SP3: variants seen among roughly 807,000 people sequenced by gnomAD.
The protein encoded by SP3 is Sp3 transcription factor.
A neutral mutation model predicts 70.3 loss-of-function variants in SP3; 10 were observed. That is an observed-to-expected ratio of 0.14 (90% CI 0.09 to 0.24). SP3 has a LOEUF of 0.24. Ranked by LOEUF, SP3 falls within the 10% of genes least tolerant of loss-of-function variation. SP3 has a pLI of 1.00. For synonymous variants in SP3, 402 were observed against 333.5 expected (o/e 1.21, Z -2.24); for missense variants, 825 against 914.6 (o/e 0.90, Z 1.26).
chr2:173,933,582 TGAAGAGAACCA>T (rs2105474784), intron 4 of SP3, among the ~76,000 whole-genome samples: 1 of 143,770 alleles, frequency 7.0e-6, no homozygotes, highest in East Asian at 2.1e-4. Context: ...GGTGTGCCCA[TGAAGAGAACCA>T]GAAATATTAG....
chr2:173,939,739 T>A (rs1187951467), intron 4 of SP3, among the ~76,000 whole-genome samples: 2 of 86,832 alleles, frequency 2.3e-5, no homozygotes, highest in African/African-American at 9.8e-5. Context: ...CACTCCAGCC[T>A]GAGCAACAGA....
chr2:173,903,503 CTAGGAG>C lies in SP3; in HGVS notation c.*6432_*6437del, dbSNP rs1689229624. ...AGATGGAAAAAAACACACAGAGTTA[CTAGGAG>C]TAGAATTGAGAAAAATGCAATTAAC... is the stretch of plus-strand genomic sequence containing the variant. On this transcript the variant is annotated 3_prime_UTR_variant, in exon 7 of 7. Coordinates refer to ENST00000310015, the MANE Select transcript of SP3 (RefSeq NM_003111.5). Among the ~76,000 whole-genome samples the C allele has an allele frequency of 1.3e-5, 2 of 152,236 alleles. No individual in the cohort carries two copies. Among genetic ancestry groups the C allele is most frequent in the Non-Finnish European group, 2.9e-5 (2 of 68,026 alleles).
chr2:173,919,388 C>T (rs1689688647), intron 4 of SP3, among the ~76,000 whole-genome samples: 3 of 152,218 alleles, frequency 2.0e-5, no homozygotes, highest in Non-Finnish European at 4.4e-5. Context: ...TGCATACCAA[C>T]TTAATACAGA....
intron 4 of SP3, among the ~76,000 whole-genome samples, chr2:173,919,056 T>G (rs1036969071): frequency 6.6e-6 from 1 of 152,198 alleles, no homozygotes; most frequent in African/African-American, 2.4e-5. Context: ...TCACTCAAAG[T>G]TCTCGGAAAA....
chr2:173,920,515 T>A (rs1689722629), intron 4 of SP3, among the ~76,000 whole-genome samples: 1 of 152,100 alleles, frequency 6.6e-6, no homozygotes, highest in Admixed American at 6.6e-5. Context: ...TAGGGAAGGG[T>A]ATGCATGTGC....
chr2:173,954,987 T>G lies in SP3; in HGVS notation c.1525A>C (p.Thr509Pro), dbSNP rs555091832. ...TGACCAGTGCTTAGACTAACTGGAGTTGAAGTGAAGGCTCCACCTGCCGCA... is the reference window on the plus strand; with the variant it reads ...TGACCAGTGCTTAGACTAACTGGAGGTGAAGTGAAGGCTCCACCTGCCGCA... ...QVAAGGAFTSTPVSLSTGQLP... is the reference protein window; with the variant it reads ...QVAAGGAFTSPPVSLSTGQLP... Residue 509 changes from threonine (T) to proline (P), a missense_variant, in exon 4 of 7, where the codon ACT becomes CCT. By Grantham distance (38) the Thr-to-Pro change is conservative. Transcript: ENST00000310015. The G allele has an allele frequency of 1.4e-4, 224 of 1,613,986 alleles. 1 individual carries two copies. The highest frequency in any genetic ancestry group is 1.9e-4 in the Non-Finnish European group (220 of 1,179,996).
At chr2:173,940,592 G>A (rs554536093) in intron 4 of SP3, among the ~76,000 whole-genome samples, 1 of 152,310 alleles carries the variant, frequency 6.6e-6, no homozygotes, top group South Asian at 2.1e-4. Context: ...GAACAAAAAG[G>A]ACTTGGAACT....
intron 1 of SP3, 86 bp downstream of exon 1, chr2:173,965,078 AC>A: frequency 6.6e-7 from 1 of 1,511,532 alleles, no homozygotes; most frequent in Non-Finnish European, 8.9e-7. Flanking sequence ...CGGGGCCGAG[AC>A]CGGCGGCAGC....
intron 4 of SP3, among the ~76,000 whole-genome samples, chr2:173,940,608 C>A (rs2105481983): frequency 6.6e-6 from 1 of 152,312 alleles, no homozygotes; most frequent in South Asian, 2.1e-4. Context: ...GAACTTTCCA[C>A]CAGGAAACAG....
rs34329180 is a variant in SP3 at position 173,901,695 on chromosome 2, C to CTTTTT, written c.*8241_*8245dup. ...GGGAAACAGTTAGTTGGACTTAAGCCTTTTTTTTTTTTTTTTTTTTTTTTG... is the reference window on the plus strand; with the variant it reads ...GGGAAACAGTTAGTTGGACTTAAGCCTTTTTTTTTTTTTTTTTTTTTTTTTTTTTG... On this transcript the variant is annotated 3_prime_UTR_variant, in exon 7 of 7. Coordinates refer to ENST00000310015, the MANE Select transcript of SP3 (RefSeq NM_003111.5). Among the ~76,000 whole-genome samples the CTTTTT allele has an allele frequency of 2.5e-4, 19 of 74,952 alleles. No individual in the cohort carries two copies. The highest frequency in any genetic ancestry group is 3.4e-4 in the Non-Finnish European group (14 of 41,252). 49.2% of individuals were successfully genotyped at this position (74,952 alleles called of 152,430 possible). A position where few individuals can be genotyped will look rare whatever the true frequency, so the allele number is the denominator to read the frequency against.
In SP3 at chr2:173,902,238, C is replaced by T. The variant is rs1437176667; in HGVS notation, c.*7703G>A. Among the ~76,000 whole-genome samples, 1 of 152,192 alleles carries T rather than the reference C, an allele frequency of 6.6e-6. No individual in the cohort carries two copies. The highest frequency in any genetic ancestry group is 2.4e-5 in the African/African-American group (1 of 41,462). On this transcript the variant is annotated 3_prime_UTR_variant, in exon 7 of 7. Coordinates refer to ENST00000310015, the MANE Select transcript of SP3 (RefSeq NM_003111.5). ...CTTTTAAATTTCTTACTTATACTTGCTTTTCTTCCAGATGAATCTAGAATC... is the reference window on the plus strand; with the variant it reads ...CTTTTAAATTTCTTACTTATACTTGTTTTTCTTCCAGATGAATCTAGAATC...
At position 173,907,244 on chromosome 2, in the gene SP3, C is replaced by T. The variant is rs758127683; in HGVS notation, c.*2697G>A. The T allele has an allele frequency of 8.5e-5, 13 of 152,090 alleles. No homozygotes were observed. The highest frequency in any genetic ancestry group is 9.7e-5 in the African/African-American group (4 of 41,420). The allele number at this position is 152,090 out of a possible 1,614,324, so 9.4% of individuals were successfully genotyped here. ...TAAATATATTCAATATGCACTAACT[C>T]TAGCCTTTACAAAAATAAAGCAATT... On this transcript the variant is annotated 3_prime_UTR_variant, in exon 7 of 7. Coordinates refer to ENST00000310015, the MANE Select transcript of SP3 (RefSeq NM_003111.5).
chr2:173,956,294 T>C, intron 3 of SP3, 62 bp from the exon 4 acceptor site: 5 of 1,496,558 alleles, frequency 3.3e-6, no homozygotes, highest in Non-Finnish European at 4.4e-6. Context: ...CCTCAAAAAA[T>C]TCTAAAAACT....
intron 4 of SP3, among the ~76,000 whole-genome samples, chr2:173,941,126 G>GT (rs1424041532): frequency 1.9e-5 from 2 of 107,972 alleles, no homozygotes; most frequent in African/African-American, 3.9e-5. Flanking sequence ...CACAACACGA[G>GT]TAAAAAAAAA....
At chr2:173,913,827 T>A (rs894834940) in intron 5 of SP3, 1 of 152,188 alleles carries the variant, frequency 6.6e-6, no homozygotes, top group Non-Finnish European at 1.5e-5. Flanking sequence ...AGCTTTTTTT[T>A]AAATCTAGTT....
chr2:173,959,491 T>G (rs1690993594), intron 3 of SP3, among the ~76,000 whole-genome samples: 1 of 152,166 alleles, frequency 6.6e-6, no homozygotes, highest in Admixed American at 6.5e-5. Context: ...TGTGGGAGGC[T>G]GAGGCGGGCA....
Position 173,901,153 on chromosome 2 carries a change from C to A in SP3, c.*8788G>T, listed in dbSNP as rs1689182228. ...GATTATCCATATGGAAAATAATGGACTTTATGCCATAAACAAAAGTAATTT... is the reference window on the plus strand; with the variant it reads ...GATTATCCATATGGAAAATAATGGAATTTATGCCATAAACAAAAGTAATTT... On this transcript the variant is annotated 3_prime_UTR_variant, in exon 7 of 7. Transcript: ENST00000310015. Among the ~76,000 whole-genome samples the A allele has an allele frequency of 6.6e-6, 1 of 151,602 alleles. No homozygotes were observed. The highest frequency in any genetic ancestry group is 6.6e-5 in the Admixed American group (1 of 15,186).
chr2:173,933,636 CTTTATATATATATATA>C (rs1012111926), intron 4 of SP3, among the ~76,000 whole-genome samples: 1 of 32,852 alleles, frequency 3.0e-5, no homozygotes, highest in Non-Finnish European at 7.2e-5. Flanking sequence ...ATTTATAAAA[CTTTATATATATATATA>C]TATATATATA....
intron 4 of SP3, among the ~76,000 whole-genome samples, chr2:173,922,084 A>G (rs766092957): frequency 2.0e-5 from 3 of 152,136 alleles, no homozygotes; most frequent in Admixed American, 6.5e-5. Context: ...CCAGTCCCAG[A>G]TATTTCTATA....
Sources: gnomAD v4.1 joint callset for allele counts (sites outside exome capture counted in the v4.1 genomes callset) on GRCh38, gnomAD v4.1.1 for gene constraint, MANE v1.5 for transcripts, NCBI Gene and HGNC (gene_info 2026-07-23, HGNC 2026-07-21) for gene names.